Variants in RBFOX1 observed in about 807,000 individuals in gnomAD.
The protein encoded by RBFOX1 is RNA binding fox-1 homolog 1.
Under a neutral mutation model 57.7 loss-of-function variants are expected in RBFOX1, and 8 were observed. The observed-to-expected ratio is 0.14, with a 90% CI of 0.08 to 0.25. The LOEUF (loss-of-function observed/expected upper bound fraction) is 0.25. Ranked by LOEUF, RBFOX1 falls within the 10% of genes least tolerant of loss-of-function variation. The pLI, the probability that RBFOX1 is intolerant of heterozygous loss-of-function variation, is 1.00. For missense variants in RBFOX1, 611 were observed against 548.5 expected (o/e 1.11, Z -1.14); for synonymous variants, 326 against 222.4 (o/e 1.47, Z -4.15).
At chr16:6,011,461 G>A (rs2094960840) in intron 4 of RBFOX1, among the ~76,000 whole-genome samples, 1 of 151,968 alleles carries the variant, frequency 6.6e-6, no homozygotes, top group Admixed American at 6.6e-5. Context: ...ACGAAGTCTT[G>A]AGCTTAAGTT....
At chr16:6,004,785 T>C (rs192774016) in intron 4 of RBFOX1, among the ~76,000 whole-genome samples, 129 of 152,330 alleles carry the variant, frequency 8.5e-4, no homozygotes, top group Middle Eastern at 3.4e-3. Flanking sequence ...GAGTACTTTT[T>C]ATTGACATGC....
intron 4 of RBFOX1, among the ~76,000 whole-genome samples, chr16:7,228,333 A>T (rs1306567527): frequency 6.6e-6 from 1 of 152,188 alleles, no homozygotes; most frequent in Non-Finnish European, 1.5e-5. Flanking sequence ...GAGGAAAATC[A>T]AGGGTTCCTT....
chr16:7,693,835 T>C (rs973019619), intron 14 of RBFOX1, among the ~76,000 whole-genome samples: 1 of 152,166 alleles, frequency 6.6e-6, no homozygotes, highest in Non-Finnish European at 1.5e-5. Context: ...CATTCGAGAA[T>C]ATAATTATCT....
intron 4 of RBFOX1, among the ~76,000 whole-genome samples, chr16:7,265,662 C>G (rs867991469): frequency 6.6e-6 from 1 of 152,094 alleles, no homozygotes; most frequent in South Asian, 2.1e-4. Context: ...TTGGCCAGGC[C>G]GGTCTGAAAC....
chr16:7,216,260 G>C (rs12931666), intron 4 of RBFOX1, among the ~76,000 whole-genome samples: 31,178 of 152,126 alleles, frequency 0.2, 3,641 homozygotes, highest in Non-Finnish European at 0.24. Flanking sequence ...AAGAACATCG[G>C]AAAGTCCAGG....
At chr16:5,562,344 A>G (rs2045917973) in intron 2 of RBFOX1, among the ~76,000 whole-genome samples, 1 of 152,098 alleles carries the variant, frequency 6.6e-6, no homozygotes, top group South Asian at 2.1e-4. Context: ...TTTCCTAGAT[A>G]TTGGAACTGC....
At chr16:6,093,712 C>G (rs1388952754) in intron 1 of RBFOX1, among the ~76,000 whole-genome samples, 4 of 152,106 alleles carry the variant, frequency 2.6e-5, no homozygotes, top group Non-Finnish European at 5.9e-5. Context: ...GCCTTAACCT[C>G]CTAGGCTCAA....
At chr16:6,431,892 G>GCTTTTCTTTCTTTCTTTCTTTCTTTCTTT in intron 2 of RBFOX1, among the ~76,000 whole-genome samples, 2 of 118,234 alleles carry the variant, frequency 1.7e-5, no homozygotes, top group East Asian at 2.4e-4. Flanking sequence ...ATGCTTGCTT[G>GCTTTTCTTTCTTTCTTTCTTTCTTTCTTT]CTTGCTTTCT....
At chr16:7,588,208 T>C (rs534700597) in intron 7 of RBFOX1, among the ~76,000 whole-genome samples, 24 of 152,076 alleles carry the variant, frequency 1.6e-4, no homozygotes, top group Admixed American at 9.8e-4. Context: ...AAAAGAAATA[T>C]GTTGGGAGAA....
intron 4 of RBFOX1, among the ~76,000 whole-genome samples, chr16:7,461,844 C>T (rs1244194303): frequency 6.6e-6 from 1 of 152,022 alleles, no homozygotes; most frequent in East Asian, 1.9e-4. Flanking sequence ...TGTGAGGGGG[C>T]ACAGGCATTT....
intron 4 of RBFOX1, among the ~76,000 whole-genome samples, chr16:7,116,495 A>C (rs2065931081): frequency 6.6e-6 from 1 of 152,162 alleles, no homozygotes; most frequent in South Asian, 2.1e-4. Context: ...CTCACTTCAC[A>C]AGTAAATAAG....
intron 4 of RBFOX1, among the ~76,000 whole-genome samples, chr16:7,493,644 T>A (rs1187178147): frequency 6.6e-6 from 1 of 152,068 alleles, no homozygotes; most frequent in Non-Finnish European, 1.5e-5. Flanking sequence ...CATTTTGAAG[T>A]TGGAGAAAGA....
At chr16:6,799,361 TAGTTAAAAAA>T (rs2154255271) in intron 3 of RBFOX1, among the ~76,000 whole-genome samples, 1 of 152,266 alleles carries the variant, frequency 6.6e-6, no homozygotes, top group African/African-American at 2.4e-5. Context: ...GCAGTCTTTG[TAGTTAAAAAA>T]AGGTAAAAAC....
chr16:7,030,818 G>A (rs911729128), intron 3 of RBFOX1, among the ~76,000 whole-genome samples: 11 of 152,112 alleles, frequency 7.2e-5, no homozygotes, highest in African/African-American at 2.4e-4. Flanking sequence ...TCCAGGACTT[G>A]ACTTCATCCG....
chr16:7,446,918 T>C (rs1049823306), intron 4 of RBFOX1, among the ~76,000 whole-genome samples: 6 of 146,640 alleles, frequency 4.1e-5, no homozygotes, highest in Non-Finnish European at 1.5e-5. Context: ...GTTCACAGCA[T>C]TCTCCTGTCT....
At chr16:7,358,237 C>T (rs548864560) in intron 4 of RBFOX1, among the ~76,000 whole-genome samples, 112 of 152,342 alleles carry the variant, frequency 7.4e-4, no homozygotes, top group African/African-American at 2.6e-3. Flanking sequence ...ACCAAGTCAG[C>T]CTCTGCTGCA....
At chr16:5,549,254 T>C (rs558326329) in intron 2 of RBFOX1, among the ~76,000 whole-genome samples, 1 of 152,284 alleles carries the variant, frequency 6.6e-6, no homozygotes, top group South Asian at 2.1e-4. Flanking sequence ...GGAGCCTTCC[T>C]TCTGGTCTGC....
intron 4 of RBFOX1, among the ~76,000 whole-genome samples, chr16:7,110,174 A>AC (rs756747938): frequency 3.5e-5 from 4 of 115,204 alleles, no homozygotes; most frequent in African/African-American, 1.4e-4. Flanking sequence ...ACATAGCGAG[A>AC]CCCCCCGTGT....
intron 12 of RBFOX1, 47 bp from the exon 13 acceptor site, chr16:7,664,882 G>T: frequency 1.9e-6 from 3 of 1,613,796 alleles, no homozygotes; most frequent in Non-Finnish European, 2.5e-6. Flanking sequence ...GTCTGCATGG[G>T]AAATGCACTA....
Sources: allele counts gnomAD v4.1 joint callset (sites outside exome capture counted in the v4.1 genomes callset), GRCh38; gene constraint gnomAD v4.1.1; transcripts MANE v1.5; gene names NCBI Gene and HGNC (gene_info 2026-07-23, HGNC 2026-07-21).